Variants in MYO10 observed in about 807,000 individuals in gnomAD.
MYO10 encodes the protein unconventional myosin-X.
Under a neutral mutation model 257.3 loss-of-function variants are expected in MYO10, and 133 were observed. The observed-to-expected ratio is 0.52, with a 90% CI of 0.45 to 0.60. MYO10 has a LOEUF of 0.60. MYO10 is among the 20% of genes least tolerant of loss of function. The pLI is 0.00. For synonymous variants in MYO10, 1,104 were observed against 1,028.6 expected (o/e 1.07, Z -1.40); for missense variants, 2,399 against 2,635.7 (o/e 0.91, Z 1.97).
chr5:16,693,007 C>T (rs936309251), intron 27 of MYO10, among the ~76,000 whole-genome samples: 1 of 152,154 alleles, frequency 6.6e-6, no homozygotes, highest in African/African-American at 2.4e-5. Context: ...AACATCATGG[C>T]CGTAATCCCA....
At chr5:16,683,348 C>G (rs1737094758) in intron 30 of MYO10, among the ~76,000 whole-genome samples, 1 of 152,098 alleles carries the variant, frequency 6.6e-6, no homozygotes, top group Admixed American at 6.5e-5. Context: ...GTTCACTGGG[C>G]ACAAAGACGC....
At chr5:16,823,524 T>C (rs1409343097) in intron 2 of MYO10, among the ~76,000 whole-genome samples, 1 of 119,792 alleles carries the variant, frequency 8.3e-6, no homozygotes, top group East Asian at 3.0e-4. Flanking sequence ...CAGGCTAGAG[T>C]GCAGTGGCAC....
rs33919452 is a variant in MYO10 at position 16,679,524 on chromosome 5, G to GTTTTTTTTTT, written c.4542+413_4542+422dup. Among the ~76,000 whole-genome samples, 177 of 122,616 alleles carry GTTTTTTTTTT rather than the reference G, an allele frequency of 1.4e-3. 3 individuals are homozygous for GTTTTTTTTTT. Among genetic ancestry groups the GTTTTTTTTTT allele is most frequent in the African/African-American group, 5.0e-3 (154 of 31,054 alleles). The allele number at this position is 122,616 out of a possible 152,430, so 80.4% of individuals were successfully genotyped here. ...TTAACCAAGCGCTAGTTTTTTGGGTGTTTTTTTTTTTTTTTTTTGAGACGA... is the reference window on the plus strand; with the variant it reads ...TTAACCAAGCGCTAGTTTTTTGGGTGTTTTTTTTTTTTTTTTTTTTTTTTTTTTGAGACGA... On this transcript the variant is annotated intron_variant, in intron 33 of 40. Coordinates refer to ENST00000513610, the MANE Select transcript of MYO10 (RefSeq NM_012334.3).
intron 1 of MYO10, among the ~76,000 whole-genome samples, chr5:16,932,579 T>C (rs1386337658): frequency 6.6e-6 from 1 of 152,136 alleles, no homozygotes; most frequent in Non-Finnish European, 1.5e-5. Flanking sequence ...CCCCAAAGCA[T>C]ACACACAATT....
chr5:16,684,180 C>T (rs1737136910), intron 29 of MYO10, among the ~76,000 whole-genome samples: 1 of 152,130 alleles, frequency 6.6e-6, no homozygotes, highest in Admixed American at 6.6e-5. Context: ...CTTAACCTTT[C>T]AATAATTTAT....
rs548674563 is a variant in MYO10 at position 16,923,637 on chromosome 5, TAA to T, written c.21+12149_21+12150del. Reference sequence around the variant, plus strand: ...AGTCCAGAAAGATTTCCTAGGTTAATAAATAATAAGCCTTAAACACGCCCATA... The same window carrying T: ...AGTCCAGAAAGATTTCCTAGGTTAATATAATAAGCCTTAAACACGCCCATA... On this transcript the variant is annotated intron_variant, in intron 1 of 40. Transcript: ENST00000513610. Among the ~76,000 whole-genome samples, 128 of 149,566 alleles carry T rather than the reference TAA, an allele frequency of 8.6e-4. 1 individual carries two copies. Among genetic ancestry groups the T allele is most frequent in the African/African-American group, 3.0e-3 (122 of 40,292 alleles).
chr5:16,709,907 A>C (rs180982524), intron 21 of MYO10, among the ~76,000 whole-genome samples: 1 of 152,022 alleles, frequency 6.6e-6, no homozygotes, highest in East Asian at 1.9e-4. Flanking sequence ...TAGTAGGTCC[A>C]TCATGACTTT....
intron 5 of MYO10, 151 bp downstream of exon 5, chr5:16,783,184 A>G: frequency 2.6e-6 from 2 of 773,634 alleles, no homozygotes; most frequent in South Asian, 4.0e-5. Flanking sequence ...AGATATTACT[A>G]TGTGCATGGC....
chr5:16,806,218 C>T (rs1042355814), intron 3 of MYO10, among the ~76,000 whole-genome samples: 8 of 151,730 alleles, frequency 5.3e-5, no homozygotes, highest in African/African-American at 7.3e-5. Flanking sequence ...GGCATGGTGG[C>T]GGGCACCTGT....
chr5:16,777,606 T>A (rs1166781542), intron 9 of MYO10, among the ~76,000 whole-genome samples: 1 of 152,106 alleles, frequency 6.6e-6, no homozygotes, highest in African/African-American at 2.4e-5. Flanking sequence ...GATCCAGAGT[T>A]AGACTGTGTA....
At chr5:16,767,217 C>A (rs1398115387) in intron 10 of MYO10, among the ~76,000 whole-genome samples, 1 of 135,280 alleles carries the variant, frequency 7.4e-6, no homozygotes, top group Non-Finnish European at 1.5e-5. Context: ...GTCTCCCAGG[C>A]TGGAGTGCAG....
intron 22 of MYO10, 144 bp from the exon 23 acceptor site, chr5:16,703,302 A>G: frequency 4.7e-6 from 3 of 636,828 alleles, no homozygotes; most frequent in Non-Finnish European, 8.0e-6. Flanking sequence ...GAGAACAAGG[A>G]GGCCCCTTTG....
intron 19 of MYO10, chr5:16,741,738 C>T (rs1740025633): frequency 2.1e-6 from 2 of 937,088 alleles, no homozygotes; most frequent in East Asian, 1.2e-4. Context: ...TGCAGTTTTA[C>T]AATACCATCA....
At chr5:16,739,013 A>AAGAAGTGTT (rs1184693205) in intron 19 of MYO10, among the ~76,000 whole-genome samples, 3 of 152,100 alleles carry the variant, frequency 2.0e-5, no homozygotes, top group Non-Finnish European at 4.4e-5. Context: ...CACAGAAACC[A>AAGAAGTGTT]AGAAGTGTTA....
chr5:16,928,983 T>C (rs249134), intron 1 of MYO10, among the ~76,000 whole-genome samples: 1 of 151,150 alleles, frequency 6.6e-6, no homozygotes, highest in Non-Finnish European at 1.5e-5. Flanking sequence ...GACGGAGTCT[T>C]GCTCTGTCGC....
At chr5:16,829,886 TAC>T (rs138178405) in intron 2 of MYO10, among the ~76,000 whole-genome samples, 8,007 of 150,762 alleles carry the variant, frequency 0.053, 704 homozygotes, top group African/African-American at 0.19. Context: ...GAACGGCTAA[TAC>T]ACACACACAC....
rs185162435 is a variant in MYO10, at chr5:16,765,971, T to C, written c.1179+109A>G. ...AACCAGTCATTTGAACAGTTATTAATATATTACAGTTACAACTGTTATTAT... is the reference window on the plus strand; with the variant it reads ...AACCAGTCATTTGAACAGTTATTAACATATTACAGTTACAACTGTTATTAT... On this transcript the variant is annotated intron_variant, in intron 11 of 40. Coordinates refer to ENST00000513610, the MANE Select transcript of MYO10 (RefSeq NM_012334.3). 6.1e-3 allele frequency: 4,567 copies of C among 754,812 alleles called. 24 individuals are homozygous for C. Among genetic ancestry groups the C allele is most frequent in the Non-Finnish European group, 7.6e-3 (3,394 of 445,354 alleles). 46.8% of individuals were successfully genotyped at this position (754,812 alleles called of 1,614,324 possible).
intron 2 of MYO10, among the ~76,000 whole-genome samples, chr5:16,828,620 CAAA>C (rs71595993): frequency 1.3e-4 from 11 of 85,734 alleles, no homozygotes; most frequent in East Asian, 6.1e-4. Flanking sequence ...ACTCTGTCTC[CAAA>C]AAAAAAAAAA....
intron 2 of MYO10, among the ~76,000 whole-genome samples, chr5:16,819,704 ACTGG>A (rs1437642544): frequency 2.0e-5 from 3 of 152,232 alleles, no homozygotes; most frequent in African/African-American, 7.2e-5. Context: ...TTAGATACTG[ACTGG>A]CTGCCTACAT....
Sources: allele counts gnomAD v4.1 joint callset (sites outside exome capture counted in the v4.1 genomes callset), GRCh38; gene constraint gnomAD v4.1.1; transcripts MANE v1.5; gene names NCBI Gene and HGNC (gene_info 2026-07-23, HGNC 2026-07-21).